CARF: variants seen among roughly 807,000 people sequenced by gnomAD.
CARF encodes the protein calcium-responsive transcription factor.
CARF carries 57 observed loss-of-function variants against 82.0 expected under a neutral mutation model. That is an observed-to-expected ratio of 0.70 (90% CI 0.56 to 0.87). CARF has a LOEUF of 0.87. Among genes scored for constraint, CARF ranks in the 40% least tolerant of loss-of-function variants. CARF has a pLI of 0.00. For missense variants in CARF, 771 were observed against 855.8 expected (o/e 0.90, Z 1.24); for synonymous variants, 268 against 290.1 (o/e 0.92, Z 0.77).
At chr2:202,914,906 G>T (rs1045047352) in intron 1 of CARF, among the ~76,000 whole-genome samples, 1 of 151,914 alleles carries the variant, frequency 6.6e-6, no homozygotes, top group Admixed American at 6.6e-5. Context: ...TTGACATTGT[G>T]AACACCAGCC....
chr2:202,961,555 C>A, intron 9 of CARF, 129 bp downstream of exon 9: 1 of 737,964 alleles, frequency 1.4e-6, no homozygotes, highest in African/African-American at 1.8e-5. Context: ...GATTAAAATG[C>A]ATATTAAATT....
At chr2:202,953,500 T>TG (rs1332917535) in intron 6 of CARF, among the ~76,000 whole-genome samples, 57 of 142,464 alleles carry the variant, frequency 4.0e-4, no homozygotes, top group Middle Eastern at 3.5e-3. Flanking sequence ...TTTTTGTTGT[T>TG]TTTTTTTTTT....
chr2:202,959,518 G>GA (rs963637011), intron 8 of CARF, among the ~76,000 whole-genome samples: 50 of 151,942 alleles, frequency 3.3e-4, no homozygotes, highest in South Asian at 1.0e-3. Context: ...TGTTGGTATT[G>GA]AAAAAAAAGT....
chr2:202,936,235 C>T (rs1435039509), intron 3 of CARF, among the ~76,000 whole-genome samples: 1 of 152,086 alleles, frequency 6.6e-6, no homozygotes, highest in Non-Finnish European at 1.5e-5. Flanking sequence ...TATACACATG[C>T]ATATATATGT....
intron 3 of CARF, among the ~76,000 whole-genome samples, chr2:202,927,184 G>A (rs1170839826): frequency 6.6e-6 from 1 of 151,996 alleles, no homozygotes; most frequent in Admixed American, 6.6e-5. Context: ...AAACCAGTTT[G>A]TGGCGTTGTT....
rs1276397876 is a variant in CARF at position 202,981,671 on chromosome 2, T to C, written c.1675T>C (p.Phe559Leu). 3.1e-6 allele frequency: 5 copies of C among 1,611,526 alleles called. No individual in the cohort carries two copies. The highest frequency in any genetic ancestry group is 4.2e-6 in the Non-Finnish European group (5 of 1,178,680). ...ACTCTCCTCATTTCAGCCCAAAATA[T>C]TTACACAACTACAGGTAGGTATCCA... Reference protein sequence around the residue: ...SSLSSFQPKIFTQLQGLQLQP... With the variant: ...SSLSSFQPKILTQLQGLQLQP... The change falls in exon 15 of 17, where the codon TTT (phenylalanine) becomes CTT (leucine). Residue 559 changes from phenylalanine to leucine, a missense_variant. Physicochemically the swap from Phe to Leu is conservative, Grantham distance 22. Transcript: ENST00000438828.
chr2:202,964,052 A>G lies in CARF; in HGVS notation c.832+2626A>G, dbSNP rs184735339. Among the ~76,000 whole-genome samples, 15 of 151,552 alleles carry G rather than the reference A, an allele frequency of 9.9e-5. No homozygotes were observed. The East Asian group carries it at 2.7e-3, about 27-fold the overall frequency. Reference sequence around the variant, plus strand: ...AATTCTTTATTAGATAGATAGCCACACCAAGAGAAACAAATAAAGACTATA... The same window carrying G: ...AATTCTTTATTAGATAGATAGCCACGCCAAGAGAAACAAATAAAGACTATA... On this transcript the variant is annotated intron_variant, in intron 9 of 16. Coordinates refer to ENST00000438828, the MANE Select transcript of CARF (RefSeq NM_024744.17).
intron 3 of CARF, among the ~76,000 whole-genome samples, chr2:202,926,326 A>C (rs1352971386): frequency 6.6e-6 from 1 of 152,194 alleles, no homozygotes; most frequent in Non-Finnish European, 1.5e-5. Context: ...GTTAAAACAA[A>C]ATTTTAAAAA....
At chr2:202,937,917 A>G (rs1337237738) in intron 3 of CARF, among the ~76,000 whole-genome samples, 1 of 145,410 alleles carries the variant, frequency 6.9e-6, no homozygotes, top group Admixed American at 7.2e-5. Context: ...GAGCCGTTGC[A>G]CCCAGCCAAC....
At chr2:202,925,649 G>T in intron 3 of CARF, 1 of 226,392 alleles carries the variant, frequency 4.4e-6, no homozygotes, top group South Asian at 5.3e-5. Context: ...CTTGGAGGCT[G>T]CCATCCCAGA....
chr2:202,935,479 T>C (rs1394669700), intron 3 of CARF, among the ~76,000 whole-genome samples: 2 of 151,954 alleles, frequency 1.3e-5, no homozygotes, highest in Non-Finnish European at 2.9e-5. Context: ...TCTCATTTTG[T>C]CACACAGGCT....
In CARF at chr2:202,912,897, T is replaced by C. The variant is rs1240248287; in HGVS notation, c.-535T>C. 1.3e-5 allele frequency: 2 copies of C among 152,204 alleles called. No homozygotes were observed. Among genetic ancestry groups the C allele is most frequent in the Non-Finnish European group, 2.9e-5 (2 of 68,058 alleles). The allele number at this position is 152,204 out of a possible 1,614,324, so 9.4% of individuals were successfully genotyped here. On this transcript the variant is annotated 5_prime_UTR_variant, in exon 1 of 17. Transcript: ENST00000438828. ...TCCTCCCACACCTTCTCCCCGACTT[T>C]TTGCCTTTTTTGTCTTGAAGTTACC...
At chr2:202,981,529 T>A (rs757245969) in intron 14 of CARF, 26 bp from the exon 15 acceptor site, 183 of 1,454,718 alleles carry the variant, frequency 1.3e-4, no homozygotes, top group Non-Finnish European at 1.6e-4. Context: ...AAAAATTATT[T>A]TAATAGTTTC....
At chr2:202,961,130 C>A in intron 8 of CARF, 107 bp from the exon 9 acceptor site, 1 of 859,156 alleles carries the variant, frequency 1.2e-6, no homozygotes, top group Non-Finnish European at 1.8e-6. Flanking sequence ...AAATGACATT[C>A]TCTTGTGAAA....
Position 202,937,946 on chromosome 2 carries a change from AT to A in CARF, c.-43-3913del, listed in dbSNP as rs1182006537. Among the ~76,000 whole-genome samples the A allele has an allele frequency of 9.0e-3, 1,324 of 147,360 alleles. 16 individuals are homozygous for A. The highest frequency in any genetic ancestry group is 0.031 in the African/African-American group (1,268 of 40,502). ...AGCCAACTGTAAAAAAAAAAAAAAA[AT>A]GTTTTAATTGTAGTAGTTGTAGATA... On this transcript the variant is annotated intron_variant, in intron 3 of 16. Coordinates refer to ENST00000438828, the MANE Select transcript of CARF (RefSeq NM_024744.17).
In CARF at chr2:202,979,256, CA is replaced by C. The variant is rs559030726; in HGVS notation, c.1558+1931del. On this transcript the variant is annotated intron_variant, in intron 14 of 16. Coordinates refer to ENST00000438828, the MANE Select transcript of CARF (RefSeq NM_024744.17). ...TGGATGACAGAGCAAGACTCCATCT[CA>C]AAAAAAGAATAAAAATCTAAAAATA... 5.9e-5 allele frequency among the ~76,000 whole-genome samples: 9 copies of C among 151,590 alleles called. No homozygotes were observed. The South Asian group carries it at 8.3e-4, about 14-fold the overall frequency.
At chr2:202,974,597 C>A in intron 13 of CARF, 101 bp downstream of exon 13, 1 of 1,113,950 alleles carries the variant, frequency 9.0e-7, no homozygotes. Context: ...TGAATAACTG[C>A]AATATAAGCA....
At position 202,954,078 on chromosome 2, in the gene CARF, C is replaced by A. The variant is rs770921131; in HGVS notation, c.501C>A (p.Ser167Arg). ...TGGATACTCTAGCAGACAATACCAG[C>A]AATTACATTCTTCATCCTCAAACAT... ...VRVDTLADNTSNYILHPQTSF... is the reference protein window; with the variant it reads ...VRVDTLADNTRNYILHPQTSF... Residue 167 changes from serine to arginine, a missense_variant, in exon 7 of 17, where the codon AGC becomes AGA. Ser to Arg is a moderately radical substitution (Grantham distance 110). Transcript: ENST00000438828. 1 of 1,613,752 alleles carries A rather than the reference C, an allele frequency of 6.2e-7. No individual in the cohort carries two copies. The highest frequency in any genetic ancestry group is 1.1e-5 in the South Asian group (1 of 91,002).
At chr2:202,945,746 A>C (rs147489223) in intron 5 of CARF, among the ~76,000 whole-genome samples, 6 of 152,216 alleles carry the variant, frequency 3.9e-5, no homozygotes, top group East Asian at 3.9e-4. Context: ...TTTATTTGCT[A>C]TTGTGAGTAG....
Sources: allele counts gnomAD v4.1 joint callset (sites outside exome capture counted in the v4.1 genomes callset), GRCh38; gene constraint gnomAD v4.1.1; transcripts MANE v1.5; gene names NCBI Gene and HGNC (gene_info 2026-07-23, HGNC 2026-07-21).